The following FKBP4 variants were observed in gnomAD, a reference collection of about 807,000 sequenced individuals.
The protein encoded by FKBP4 is FKBP prolyl isomerase 4.
Under a neutral mutation model 54.1 loss-of-function variants are expected in FKBP4, and 28 were observed. The observed-to-expected ratio is 0.52, with a 90% CI of 0.38 to 0.71. The LOEUF (loss-of-function observed/expected upper bound fraction) is 0.71, where lower values mean the gene tolerates loss of function less well. Ranked by LOEUF, FKBP4 falls within the 30% of genes least tolerant of loss-of-function variation. The probability of loss-of-function intolerance (pLI) is 0.00; values close to 1 mark genes in which losing one functional copy is unlikely to be tolerated. For missense variants in FKBP4, 493 were observed against 574.4 expected (o/e 0.86, Z 1.45); for synonymous variants, 223 against 216.1 (o/e 1.03, Z -0.28).
rs1454758336 is a variant in FKBP4 at position 2,805,222 on chromosome 12, C to G, written c.*1964C>G. 4.4e-6 allele frequency: 2 copies of G among 455,316 alleles called. No individual in the cohort carries two copies. Among genetic ancestry groups the G allele is most frequent in the Non-Finnish European group, 8.8e-6 (2 of 226,658 alleles). 28.2% of individuals were successfully genotyped at this position (455,316 alleles called of 1,614,324 possible). A position where few individuals can be genotyped will look rare whatever the true frequency, so the allele number is the denominator to read the frequency against. ...GGAAAGGTGAGGTCTCTGAACTAAT[C>G]CAGACTCTCCCATGAGGTTCCTTTG... On this transcript the variant is annotated 3_prime_UTR_variant, in exon 10 of 10. Transcript: ENST00000001008.
chr12:2,804,109 T>C lies in FKBP4; in HGVS notation c.*851T>C, dbSNP rs113028857. 6 of 152,720 alleles carry C rather than the reference T, an allele frequency of 3.9e-5. No homozygotes were observed. The highest frequency in any genetic ancestry group is 1.4e-4 in the African/African-American group (6 of 41,580). The allele number at this position is 152,720 out of a possible 1,614,324, so 9.5% of individuals were successfully genotyped here. A position where few individuals can be genotyped will look rare whatever the true frequency, so the allele number is the denominator to read the frequency against. ...AGTTGGGCAGGAAGCAGCCCCACCA[T>C]GCATGGCTTCCTGAGCACTGCACAG... On this transcript the variant is annotated 3_prime_UTR_variant, in exon 10 of 10. Transcript: ENST00000001008.
intron 5 of FKBP4, 83 bp downstream of exon 5, chr12:2,799,327 G>C (rs1046202824): frequency 7.1e-7 from 1 of 1,407,228 alleles, no homozygotes; most frequent in South Asian, 1.7e-5. Flanking sequence ...CCAGCTGTTT[G>C]TATCCTTTTT....
At position 2,795,425 on chromosome 12, in the gene FKBP4, C is replaced by G. The variant is rs149259341; in HGVS notation, c.105+181C>G. ...GACCGGGCTGCGTCGTTTAAGGCAC[C>G]GAGGCCGGCCATGCGCTCGGCAGGG... On this transcript the variant is annotated intron_variant, in intron 1 of 9. Coordinates refer to ENST00000001008, the MANE Select transcript of FKBP4 (RefSeq NM_002014.4). This position sits in a 1 kb window ranked among gnomAD's most constrained non-coding sequence, Gnocchi z 4.3. Among the ~76,000 whole-genome samples the G allele has an allele frequency of 6.8e-6, 1 of 147,536 alleles. No individual in the cohort carries two copies. The highest frequency in any genetic ancestry group is 1.5e-5 in the Non-Finnish European group (1 of 66,172).
intron 1 of FKBP4, chr12:2,796,884 C>A: frequency 7.7e-7 from 1 of 1,298,016 alleles, no homozygotes; most frequent in Non-Finnish European, 9.8e-7. Context: ...TACCATACAG[C>A]GGAAACTTGA....
In FKBP4 at chr12:2,803,714, A is replaced by G. The variant is rs1456737313; in HGVS notation, c.*456A>G. The stretch of plus-strand genomic sequence containing the variant: ...TAGGGACATGGGAAAAACCACTGCT[A>G]TGCCATTTCTTCTCTCTGTTCCCTT... On this transcript the variant is annotated 3_prime_UTR_variant, in exon 10 of 10. Coordinates refer to ENST00000001008, the MANE Select transcript of FKBP4 (RefSeq NM_002014.4). 1 of 158,662 alleles carries G rather than the reference A, an allele frequency of 6.3e-6. No individual in the cohort carries two copies. Among genetic ancestry groups the G allele is most frequent in the Non-Finnish European group, 1.4e-5 (1 of 71,316 alleles). 9.8% of individuals were successfully genotyped at this position (158,662 alleles called of 1,614,324 possible).
At position 2,801,359 on chromosome 12, in the gene FKBP4, G is replaced by A; in HGVS notation, c.1272+3G>A. ...GGCTGGCTGAGGAGGAGAACAAGGT[G>A]AGGATTGGGGTGGGGAACAGTTGGA... On this transcript the variant is annotated splice_donor_region_variant and intron_variant, in intron 9 of 9. Transcript: ENST00000001008. 6.2e-7 allele frequency: 1 copy of A among 1,614,016 alleles called. No homozygotes were observed.
At position 2,804,488 on chromosome 12, in the gene FKBP4, T is replaced by C. The variant is rs969802491; in HGVS notation, c.*1230T>C. 6.6e-6 allele frequency: 1 copy of C among 152,238 alleles called. No homozygotes were observed. The highest frequency in any genetic ancestry group is 1.5e-5 in the Non-Finnish European group (1 of 68,046). The allele number at this position is 152,238 out of a possible 1,614,324, so 9.4% of individuals were successfully genotyped here. A position where few individuals can be genotyped will look rare whatever the true frequency, so the allele number is the denominator to read the frequency against. On this transcript the variant is annotated 3_prime_UTR_variant, in exon 10 of 10. Transcript: ENST00000001008. ...TTAACAGGAAAAGGCTTGTGCTTTTTTTCTAACTATGCTTTGACCCTTAAC... is the reference window on the plus strand; with the variant it reads ...TTAACAGGAAAAGGCTTGTGCTTTTCTTCTAACTATGCTTTGACCCTTAAC...
Position 2,800,027 on chromosome 12 carries a change from G to A in FKBP4, c.763-12G>A. 2 of 1,614,094 alleles carry A rather than the reference G, an allele frequency of 1.2e-6. No homozygotes were observed. Among genetic ancestry groups the A allele is most frequent in the Non-Finnish European group, 1.7e-6 (2 of 1,179,948 alleles). On this transcript the variant is annotated splice_polypyrimidine_tract_variant and intron_variant, in intron 6 of 9. Transcript: ENST00000001008. ...TAGCTGACAACTTTGTTTCTCTCCT[G>A]GGGTGTGGCAGGCCAAGGAGTCTTG...
Position 2,795,020 on chromosome 12 carries a change from TC to T in FKBP4, c.-118del, listed in dbSNP as rs2097900791. 4.4e-6 allele frequency: 2 copies of T among 452,216 alleles called. No homozygotes were observed. The highest frequency in any genetic ancestry group is 4.9e-5 in the Admixed American group (1 of 20,478). The allele number at this position is 452,216 out of a possible 1,614,324, so 28.0% of individuals were successfully genotyped here. ...CAGAGGTGCTCAAGCCTCCTCGCGG[TC>T]CGCAGTCAGTGCCGCCGCGCCCGGC... On this transcript the variant is annotated 5_prime_UTR_variant, in exon 1 of 10. Transcript: ENST00000001008. This position sits in a 1 kb window ranked among gnomAD's most constrained non-coding sequence, Gnocchi z 4.3.
intron 9 of FKBP4, 81 bp downstream of exon 9, chr12:2,801,437 G>A: frequency 6.3e-7 from 1 of 1,588,644 alleles, no homozygotes; most frequent in Non-Finnish European, 8.6e-7. Flanking sequence ...GCCTTTGGTT[G>A]TCTGTGCCAA....
chr12:2,796,454 T>G, intron 1 of FKBP4: 1 of 1,251,666 alleles, frequency 8.0e-7, no homozygotes, highest in Non-Finnish European at 1.0e-6. Flanking sequence ...CGTGGAAGCT[T>G]TCCCTTGGAG....
In FKBP4 at chr12:2,801,133, GCAA is replaced by G; in HGVS notation, c.1054_1056del (p.Asn352del). 6.2e-7 allele frequency: 1 copy of G among 1,613,948 alleles called. No homozygotes were observed. Among genetic ancestry groups the G allele is most frequent in the Non-Finnish European group, 8.5e-7 (1 of 1,179,886 alleles). On this transcript the variant is annotated inframe_deletion, in exon 9 of 10. Coordinates refer to ENST00000001008, the MANE Select transcript of FKBP4 (RefSeq NM_002014.4). ...ATTCTTTAGGCCCTAGAACTGGACA[GCAA>G]CAACGAGAAGGGCCTCTTCCGCCGG...
chr12:2,801,225 C>T lies in FKBP4; in HGVS notation c.1141C>T (p.Gln381Ter), dbSNP rs2097904583. 1 of 1,613,298 alleles carries T rather than the reference C, an allele frequency of 6.2e-7. No individual in the cohort carries two copies. The highest frequency in any genetic ancestry group is 8.5e-7 in the Non-Finnish European group (1 of 1,180,070). Residue 381 changes from glutamine to a stop codon, truncating the protein, a stop_gained, in exon 9 of 10, where the codon CAG (glutamine) becomes TAG (stop). Coordinates refer to ENST00000001008, the MANE Select transcript of FKBP4 (RefSeq NM_002014.4). LOFTEE classifies it high-confidence loss of function. Reference sequence around the variant, plus strand: ...ACGGGCTGATTTCCAGAAGGTCCTGCAGCTCTACCCCAACAACAAAGCCGC... The same window carrying T: ...ACGGGCTGATTTCCAGAAGGTCCTGTAGCTCTACCCCAACAACAAAGCCGC... ...LARADFQKVL[Q>*]LYPNNKAAKT...
At chr12:2,800,620 G>T in intron 8 of FKBP4, 43 bp downstream of exon 8, 4 of 1,532,650 alleles carry the variant, frequency 2.6e-6, no homozygotes, top group Non-Finnish European at 3.5e-6. Context: ...TTCACAGGCA[G>T]AGTTGGGTGA....
In FKBP4 at chr12:2,799,300, T is replaced by C. The variant is rs2097903532; in HGVS notation, c.671+56T>C. 1.1e-5 allele frequency: 16 copies of C among 1,454,194 alleles called. 1 individual carries two copies. The highest frequency in any genetic ancestry group is 3.2e-5 in the South Asian group (2 of 62,966). 90.1% of individuals were successfully genotyped at this position (1,454,194 alleles called of 1,614,324 possible). On this transcript the variant is annotated intron_variant, in intron 5 of 9. Coordinates refer to ENST00000001008, the MANE Select transcript of FKBP4 (RefSeq NM_002014.4). Reference sequence around the variant, plus strand: ...GGCAGGCAAACCAAGATCAAAGATATAAAATGAATTGTAGAACCAGCTGTT... The same window carrying C: ...GGCAGGCAAACCAAGATCAAAGATACAAAATGAATTGTAGAACCAGCTGTT...
chr12:2,797,778 G>C lies in FKBP4; in HGVS notation c.300G>C (p.Gly100=). The change falls in exon 3 of 10, where the codon GGG becomes GGC. Residue 100 remains glycine (G), a synonymous_variant. Coordinates refer to ENST00000001008, the MANE Select transcript of FKBP4 (RefSeq NM_002014.4). The stretch of plus-strand genomic sequence containing the variant: ...TTGCCATAGCCACCATGAAGGTGGG[G>C]GAGGTGTGCCACATCACCTGCAAAC... ...WDIAIATMKV[G]EVCHITCKPE... is the part of the protein sequence containing the mutation. 1 of 1,613,980 alleles carries C rather than the reference G, an allele frequency of 6.2e-7. No individual in the cohort carries two copies. Among genetic ancestry groups the C allele is most frequent in the South Asian group, 1.1e-5 (1 of 91,074 alleles).
intron 5 of FKBP4, 115 bp downstream of exon 5, chr12:2,799,359 ACAC>A: frequency 9.0e-7 from 1 of 1,108,894 alleles, no homozygotes; most frequent in African/African-American, 1.6e-5. Flanking sequence ...CACCAAACAT[ACAC>A]CATTATGATA....
At chr12:2,800,713 C>A in intron 8 of FKBP4, 136 bp downstream of exon 8, 2 of 851,438 alleles carry the variant, frequency 2.3e-6, no homozygotes, top group Non-Finnish European at 1.8e-6. Flanking sequence ...AGGTTACAGA[C>A]CAAAGGCACG....
Position 2,797,825 on chromosome 12 carries a change from C to G in FKBP4, c.347C>G (p.Ala116Gly). 1.2e-6 allele frequency: 2 copies of G among 1,614,130 alleles called. No homozygotes were observed. Among genetic ancestry groups the G allele is most frequent in the South Asian group, 1.1e-5 (1 of 91,074 alleles). The change falls in exon 3 of 10, where the codon GCA becomes GGA. Residue 116 changes from alanine (A) to glycine (G), a missense_variant. By Grantham distance (60) the Ala-to-Gly change is moderately conservative (BLOSUM62 0). Transcript: ENST00000001008. ...AAACCAGAATATGCCTACGGTTCAG[C>G]AGGCAGTCCTCCAAAGATTCCCCCC... ...TCKPEYAYGS[A>G]GSPPKIPPNA...
Sources: gnomAD v4.1 joint callset for allele counts (sites outside exome capture counted in the v4.1 genomes callset) on GRCh38, gnomAD v4.1.1 for gene constraint, Gnocchi (gnomAD v3.1) non-coding constraint, MANE v1.5 for transcripts, NCBI Gene and HGNC (gene_info 2026-07-23, HGNC 2026-07-21) for gene names.